The following PLEKHH2 variants were observed in gnomAD, a reference collection of about 807,000 sequenced individuals.
The protein encoded by PLEKHH2 is pleckstrin homology, MyTH4 and FERM domain containing H2.
A neutral mutation model predicts 187.9 loss-of-function variants in PLEKHH2; 129 were observed. That is an observed-to-expected ratio of 0.69 (90% CI 0.59 to 0.79). The LOEUF is 0.79. Among genes scored for constraint, PLEKHH2 ranks in the 30% least tolerant of loss-of-function variants. The pLI is 0.00. For synonymous variants in PLEKHH2, 686 were observed against 605.6 expected, an observed-to-expected ratio of 1.13 and a Z score of -1.95; for missense variants, 2,076 against 1,751.2, an observed-to-expected ratio of 1.19 and a Z score of -3.31.
chr2:43,754,206 A>ACAC (rs386354945), intron 25 of PLEKHH2, among the ~76,000 whole-genome samples: 1,714 of 101,878 alleles, frequency 0.017, 37 homozygotes, highest in African/African-American at 0.073. Flanking sequence ...ACACACACAC[A>ACAC]AAATTAATAC....
chr2:43,707,160 C>T (rs1669699854), intron 10 of PLEKHH2, among the ~76,000 whole-genome samples: 2 of 145,556 alleles, frequency 1.4e-5, no homozygotes, highest in South Asian at 4.3e-4. Flanking sequence ...CATGTCATTG[C>T]ACTCCAGCCT....
intron 2 of PLEKHH2, among the ~76,000 whole-genome samples, chr2:43,657,836 T>C (rs1187297705): frequency 6.6e-6 from 1 of 152,182 alleles, no homozygotes; most frequent in African/African-American, 2.4e-5. Flanking sequence ...CAGACTGGTG[T>C]AGGGTGGCGC....
intron 20 of PLEKHH2, among the ~76,000 whole-genome samples, chr2:43,739,788 T>G (rs938793779): frequency 1.3e-5 from 2 of 152,182 alleles, no homozygotes; most frequent in African/African-American, 4.8e-5. Context: ...TGCAATATTC[T>G]CCACCATGCA....
At chr2:43,756,357 A>G (rs1200808455) in intron 25 of PLEKHH2, among the ~76,000 whole-genome samples, 1 of 151,940 alleles carries the variant, frequency 6.6e-6, no homozygotes, top group Non-Finnish European at 1.5e-5. Flanking sequence ...CAATGGCATG[A>G]TCTCGGCTGA....
chr2:43,712,696 C>T (rs1478260173), intron 15 of PLEKHH2, among the ~76,000 whole-genome samples: 1 of 152,082 alleles, frequency 6.6e-6, no homozygotes, highest in Non-Finnish European at 1.5e-5. Flanking sequence ...TAATATTTAA[C>T]ACGTTTTTTT....
Position 43,729,623 on chromosome 2 carries a change from G to T in PLEKHH2, c.2722-14G>T. On this transcript the variant is annotated splice_polypyrimidine_tract_variant and intron_variant, in intron 17 of 29. Transcript: ENST00000282406. The stretch of plus-strand genomic sequence containing the variant: ...CTGTGTCTTAACATTTAATTAATAT[G>T]TTCTGGTTTTAAGGACACTTGGCTT... The T allele has an allele frequency of 6.6e-7, 1 of 1,515,514 alleles. No homozygotes were observed. The allele number at this position is 1,515,514 out of a possible 1,614,324, so 93.9% of individuals were successfully genotyped here. A position where few individuals can be genotyped will look rare whatever the true frequency, so the allele number is the denominator to read the frequency against.
intron 24 of PLEKHH2, among the ~76,000 whole-genome samples, chr2:43,751,926 C>CTTTTTTTTTTTT (rs1191371733): frequency 4.3e-5 from 6 of 139,862 alleles, no homozygotes; most frequent in African/African-American, 1.6e-4. Context: ...CTCTCTCTCT[C>CTTTTTTTTTTTT]TTTTTTTTTT....
At chr2:43,732,972 C>T (rs1447899303) in intron 19 of PLEKHH2, among the ~76,000 whole-genome samples, 4 of 152,102 alleles carry the variant, frequency 2.6e-5, no homozygotes, top group Non-Finnish European at 5.9e-5. Flanking sequence ...GGTCACATCC[C>T]CCTCAAACTC....
At chr2:43,691,642 C>G (rs941519237) in intron 3 of PLEKHH2, among the ~76,000 whole-genome samples, 1 of 152,188 alleles carries the variant, frequency 6.6e-6, no homozygotes, top group Non-Finnish European at 1.5e-5. Context: ...TGCCTCCCGC[C>G]TCTATCATTA....
At chr2:43,638,638 A>G (rs150243157) in intron 1 of PLEKHH2, among the ~76,000 whole-genome samples, 2 of 152,328 alleles carry the variant, frequency 1.3e-5, no homozygotes, top group East Asian at 3.9e-4. Context: ...TTCAGAATCT[A>G]TATGTGGTAT....
intron 3 of PLEKHH2, among the ~76,000 whole-genome samples, chr2:43,685,624 T>G (rs1333211553): frequency 7.0e-6 from 1 of 143,240 alleles, no homozygotes; most frequent in Non-Finnish European, 1.6e-5. Context: ...TTTTTTTTTG[T>G]AGAGACGATG....
chr2:43,652,125 A>G (rs1666505628), intron 2 of PLEKHH2, among the ~76,000 whole-genome samples: 1 of 152,164 alleles, frequency 6.6e-6, no homozygotes, highest in African/African-American at 2.4e-5. Context: ...CTGTTGGACT[A>G]GTGCACTCCA....
chr2:43,672,748 C>G (rs1278177859), intron 2 of PLEKHH2, among the ~76,000 whole-genome samples: 3 of 152,124 alleles, frequency 2.0e-5, no homozygotes, highest in Admixed American at 1.3e-4. Context: ...TTCTAACACC[C>G]ATTTTTTTTC....
At chr2:43,673,257 C>A (rs146075873) in intron 2 of PLEKHH2, among the ~76,000 whole-genome samples, 215 of 152,204 alleles carry the variant, frequency 1.4e-3, no homozygotes, top group African/African-American at 5.0e-3. Context: ...TTTCCTCCAT[C>A]CATAAAAATT....
chr2:43,667,330 T>C (rs552477308), intron 2 of PLEKHH2, among the ~76,000 whole-genome samples: 67 of 152,330 alleles, frequency 4.4e-4, no homozygotes, highest in African/African-American at 1.6e-3. Context: ...GTCTCATACA[T>C]TGCTGGTGGA....
At chr2:43,744,234 C>A in intron 23 of PLEKHH2, 1 of 810,266 alleles carries the variant, frequency 1.2e-6, no homozygotes, top group Non-Finnish European at 1.7e-6. Flanking sequence ...GGAAATGATA[C>A]TCTAAGTATT....
intron 9 of PLEKHH2, among the ~76,000 whole-genome samples, chr2:43,705,779 G>A (rs1459953614): frequency 2.0e-5 from 3 of 151,676 alleles, no homozygotes; most frequent in Non-Finnish European, 4.4e-5. Flanking sequence ...ATGCCACCAT[G>A]TTTGGTTTTA....
At chr2:43,740,826 T>C (rs1342766809) in intron 20 of PLEKHH2, 120 bp from the exon 21 acceptor site, 5 of 1,434,462 alleles carry the variant, frequency 3.5e-6, no homozygotes, top group Non-Finnish European at 9.2e-7. Context: ...ATCATGCATA[T>C]GTGAAAGAAG....
chr2:43,642,693 T>C (rs1040601335), intron 1 of PLEKHH2, among the ~76,000 whole-genome samples: 1 of 152,186 alleles, frequency 6.6e-6, no homozygotes, highest in Non-Finnish European at 1.5e-5. Context: ...TGTTGAATGA[T>C]TTTTCTGTGT....
Sources: allele counts gnomAD v4.1 joint callset (sites outside exome capture counted in the v4.1 genomes callset), GRCh38; gene constraint gnomAD v4.1.1; transcripts MANE v1.5; gene names NCBI Gene and HGNC (gene_info 2026-07-23, HGNC 2026-07-21).